Variants in SLC9A7 observed in about 807,000 individuals in gnomAD.
SLC9A7 encodes solute carrier family 9 member A7.
Under a neutral mutation model 52.6 loss-of-function variants are expected in SLC9A7, and 19 were observed. The observed-to-expected ratio is 0.36, with a 90% CI of 0.25 to 0.53. The LOEUF (loss-of-function observed/expected upper bound fraction) is 0.53. Ranked by LOEUF, SLC9A7 falls within the 20% of genes least tolerant of loss-of-function variation. The probability of loss-of-function intolerance (pLI) is 0.91; values close to 1 mark genes in which losing one functional copy is unlikely to be tolerated. For missense variants in SLC9A7, 455 were observed against 597.9 expected (o/e 0.76, Z 2.49); for synonymous variants, 226 against 252.1 (o/e 0.90, Z 0.98).
intron 1 of SLC9A7, among the ~76,000 whole-genome samples, chrX:46,697,790 TGAGCCCG>T (rs1346967303): frequency 8.9e-6 from 1 of 112,235 alleles, no homozygotes; most frequent in Non-Finnish European, 1.9e-5. Context: ...TGACCTCCCG[TGAGCCCG>T]GAGGAACAGA....
chrX:46,696,776 T>C (rs1197967970), intron 1 of SLC9A7, among the ~76,000 whole-genome samples: 1 of 112,025 alleles, frequency 8.9e-6, no homozygotes, highest in Non-Finnish European at 1.9e-5. Context: ...GTTCTAAGCA[T>C]CTTAGGCATA....
chrX:46,723,292 T>G (rs1228849913), intron 1 of SLC9A7, among the ~76,000 whole-genome samples: 1 of 84,034 alleles, frequency 1.2e-5, no homozygotes, highest in African/African-American at 4.5e-5. Context: ...GGCAATAAGA[T>G]TTCTACAAAA....
At chrX:46,670,713 GA>G (rs1253081545) in intron 4 of SLC9A7, among the ~76,000 whole-genome samples, 1 of 112,143 alleles carries the variant, frequency 8.9e-6, no homozygotes, top group Non-Finnish European at 1.9e-5. Flanking sequence ...TCACAGAATG[GA>G]ATCATTTTGA....
chrX:46,663,154 T>C (rs1475980329), intron 5 of SLC9A7, among the ~76,000 whole-genome samples: 4 of 110,346 alleles, frequency 3.6e-5, no homozygotes, highest in Non-Finnish European at 7.6e-5. Context: ...ACCAACATGG[T>C]GAAACCCCGT....
chrX:46,709,983 A>G (rs948258831), intron 1 of SLC9A7, among the ~76,000 whole-genome samples: 2 of 112,457 alleles, frequency 1.8e-5, no homozygotes, highest in African/African-American at 6.5e-5. Flanking sequence ...TTGTCTCCAG[A>G]GAAGACAATG....
intron 5 of SLC9A7, among the ~76,000 whole-genome samples, chrX:46,668,420 A>AGGAGGCAGAGGC (rs1446300292): frequency 1.8e-5 from 2 of 111,477 alleles, no homozygotes; most frequent in Non-Finnish European, 1.9e-5. Flanking sequence ...GCTGAGGCAG[A>AGGAGGCAGAGGC]GGAGGCAGAG....
chrX:46,750,644 C>G (rs1556286867), intron 1 of SLC9A7, among the ~76,000 whole-genome samples: 2 of 112,520 alleles, frequency 1.8e-5, no homozygotes, highest in Non-Finnish European at 3.8e-5. Context: ...GCCACCACAC[C>G]CAGCCTGATC....
chrX:46,631,671 G>C (rs756508398), intron 13 of SLC9A7, 22 bp from the exon 14 acceptor site: 6 of 1,180,258 alleles, frequency 5.1e-6, no homozygotes, highest in Non-Finnish European at 6.9e-6. Flanking sequence ...CAGGGAGAAA[G>C]ACAAAGAGAA....
rs148600278 is a variant in SLC9A7 at position 46,621,057 on chromosome X, G to A, written c.1743C>T (p.Asp581=). 1,468 of 1,188,302 alleles carry A rather than the reference G, an allele frequency of 1.2e-3. 2 individuals are homozygous for A. The highest frequency in any genetic ancestry group is 8.4e-3 in the East Asian group (283 of 33,499). The part of the protein sequence containing the change: ...NNDSFQVLQG[D]GPDSARGNRT... The stretch of plus-strand genomic sequence containing the variant: ...GGTTTCCTCTGGCAGAATCTGGGCC[G>A]TCCTAGGAACAAACAAGAGGGCACA... Residue 581 remains aspartate (D), a splice_region_variant and synonymous_variant, in exon 15 of 17, where the codon GAC becomes GAT. Coordinates refer to ENST00000616978, the MANE Select transcript of SLC9A7 (RefSeq NM_001257291.2).
chrX:46,726,968 G>A (rs1027989533), intron 1 of SLC9A7, among the ~76,000 whole-genome samples: 4 of 111,834 alleles, frequency 3.6e-5, no homozygotes, highest in African/African-American at 1.3e-4. Flanking sequence ...GCAGCTCCAT[G>A]TGACAACCAA....
At chrX:46,746,167 T>C (rs1244954273) in intron 1 of SLC9A7, among the ~76,000 whole-genome samples, 1 of 108,391 alleles carries the variant, frequency 9.2e-6, no homozygotes, top group Non-Finnish European at 1.9e-5. Flanking sequence ...CTACTGAAAA[T>C]ACAAAAAAAA....
chrX:46,738,897 C>T (rs1432513452), intron 1 of SLC9A7, among the ~76,000 whole-genome samples: 2 of 111,561 alleles, frequency 1.8e-5, no homozygotes, highest in East Asian at 5.6e-4. Flanking sequence ...CAGGGTATCA[C>T]TGTTAATGTG....
At chrX:46,711,047 T>G (rs1016574148) in intron 1 of SLC9A7, among the ~76,000 whole-genome samples, 1 of 112,968 alleles carries the variant, frequency 8.9e-6, no homozygotes, top group African/African-American at 3.2e-5. Flanking sequence ...CTGCTGACGA[T>G]TTCAGCTTTT....
chrX:46,689,468 G>A (rs1270852567), intron 1 of SLC9A7, among the ~76,000 whole-genome samples: 1 of 111,843 alleles, frequency 8.9e-6, no homozygotes, highest in Non-Finnish European at 1.9e-5. Flanking sequence ...CCATGAACAA[G>A]TTTTTATATG....
chrX:46,651,007 A>C (rs1018908738), intron 10 of SLC9A7, 103 bp downstream of exon 10: 3 of 264,282 alleles, frequency 1.1e-5, no homozygotes, highest in Non-Finnish European at 1.9e-5. Context: ...TTATATTATT[A>C]TATTATTGTT....
chrX:46,606,150 A>G lies in SLC9A7; in HGVS notation c.*802T>C, dbSNP rs1942740091. 1.4e-5 allele frequency: 8 copies of G among 591,228 alleles called. No homozygotes were observed. Among genetic ancestry groups the G allele is most frequent in the Non-Finnish European group, 1.6e-5 (8 of 491,307 alleles). 48.7% of individuals were successfully genotyped at this position (591,228 alleles called of 1,213,427 possible). On this transcript the variant is annotated 3_prime_UTR_variant, in exon 17 of 17. Transcript: ENST00000616978. The stretch of plus-strand genomic sequence containing the variant: ...AGCCTGGGTGACAGAGTGAAACACC[A>G]TCTCAACAAAAAAAAAAAGTTGAAT...
chrX:46,686,992 A>G (rs1944305750), intron 1 of SLC9A7, among the ~76,000 whole-genome samples: 1 of 112,217 alleles, frequency 8.9e-6, no homozygotes, highest in South Asian at 3.7e-4. Context: ...TAGTTTATGT[A>G]TGTGCTTATC....
rs1357979074 is a variant in SLC9A7, at chrX:46,600,461, G to A, written c.*6491C>T. On this transcript the variant is annotated 3_prime_UTR_variant, in exon 17 of 17. Transcript: ENST00000616978. The stretch of plus-strand genomic sequence containing the variant: ...CTGTCTGCTTTGGACCTTTTCAAAG[G>A]GCAGCACAGCAGGCAGCCCTTCCTT... 9.0e-6 allele frequency: 1 copy of A among 111,506 alleles called. No individual in the cohort carries two copies. The highest frequency in any genetic ancestry group is 9.6e-5 in the Admixed American group (1 of 10,464). 9.2% of individuals were successfully genotyped at this position (111,506 alleles called of 1,213,427 possible).
intron 7 of SLC9A7, among the ~76,000 whole-genome samples, chrX:46,655,714 G>A (rs1054906579): frequency 3.5e-5 from 4 of 112,862 alleles, no homozygotes; most frequent in Admixed American, 1.9e-4. Flanking sequence ...ATGGCTTGGA[G>A]GGACGTACAC....
Sources: gnomAD v4.1 joint callset for allele counts (sites outside exome capture counted in the v4.1 genomes callset) on GRCh38, gnomAD v4.1.1 for gene constraint, MANE v1.5 for transcripts, NCBI Gene and HGNC (gene_info 2026-07-23, HGNC 2026-07-21) for gene names.